The following ROBO2 variants were observed in gnomAD, a reference collection of about 807,000 sequenced individuals.
ROBO2 encodes roundabout homolog 2.
Under a neutral mutation model 160.8 loss-of-function variants are expected in ROBO2, and 53 were observed. The ratio of observed to expected loss-of-function variants is 0.33; its 90% CI spans 0.26 to 0.41. ROBO2 has a LOEUF of 0.41. ROBO2 is among the 10% of genes least tolerant of loss of function. The pLI is 1.00. For synonymous variants in ROBO2, 664 were observed against 611.7 expected, an observed-to-expected ratio of 1.09 and a Z score of -1.26; for missense variants, 1,577 against 1,722.4, an observed-to-expected ratio of 0.92 and a Z score of 1.49.
chr3:77,396,883 T>C (rs1270738724), intron 2 of ROBO2, among the ~76,000 whole-genome samples: 2 of 152,248 alleles, frequency 1.3e-5, no homozygotes, highest in South Asian at 4.1e-4. Flanking sequence ...ACAATTATTG[T>C]TTTTCATTTG....
intron 2 of ROBO2, among the ~76,000 whole-genome samples, chr3:76,456,989 A>C (rs1434920402): frequency 5.9e-5 from 9 of 152,128 alleles, no homozygotes; most frequent in African/African-American, 2.2e-4. Context: ...TTCCTCCCAT[A>C]ACATGTGAGA....
At position 76,689,181 on chromosome 3, in the gene ROBO2, GTT is replaced by G. The variant is rs1275486298; in HGVS notation, c.110-408831_110-408830del. On this transcript the variant is annotated intron_variant, in intron 2 of 26. Coordinates refer to the ROBO2 transcript ENST00000487694. ...GTATCTTATTGACAAATTCAATTAT[GTT>G]TCAGAAATATATAACATCATGTTTA... Among the ~76,000 whole-genome samples, 11 of 152,050 alleles carry G rather than the reference GTT, an allele frequency of 7.2e-5. No individual in the cohort carries two copies. The East Asian group carries it at 2.1e-3, about 29-fold the overall frequency.
At chr3:77,288,744 A>T (rs62249728) in intron 2 of ROBO2, among the ~76,000 whole-genome samples, 1,661 of 152,266 alleles carry the variant, frequency 0.011, 22 homozygotes, top group African/African-American at 0.03. Context: ...TTGCATTCAT[A>T]TGTACTGGGG....
At chr3:77,562,533 T>A (rs1414018410) in intron 9 of ROBO2, 118 bp from the exon 11 acceptor site, 1 of 705,124 alleles carries the variant, frequency 1.4e-6, no homozygotes, top group Non-Finnish European at 2.6e-6. Flanking sequence ...AATGCATAAT[T>A]TAGACAACAA....
At chr3:76,208,595 G>A (rs1205636973) in intron 2 of ROBO2, among the ~76,000 whole-genome samples, 1 of 152,050 alleles carries the variant, frequency 6.6e-6, no homozygotes, top group African/African-American at 2.4e-5. Context: ...GAACGCTAAA[G>A]TAACTCCATC....
chr3:77,012,078 C>G (rs2061955197), intron 2 of ROBO2, among the ~76,000 whole-genome samples: 1 of 152,048 alleles, frequency 6.6e-6, no homozygotes, highest in Non-Finnish European at 1.5e-5. Context: ...TTACCTAAGT[C>G]AAGCAACTTA....
At chr3:76,699,060 T>A (rs902199412) in intron 2 of ROBO2, among the ~76,000 whole-genome samples, 27 of 152,180 alleles carry the variant, frequency 1.8e-4, no homozygotes, top group Non-Finnish European at 3.8e-4. Flanking sequence ...GAAATTTAAA[T>A]ACAAATATAA....
chr3:76,355,394 A>C (rs921191187), intron 2 of ROBO2, among the ~76,000 whole-genome samples: 2 of 151,716 alleles, frequency 1.3e-5, no homozygotes, highest in Admixed American at 1.3e-4. Context: ...AATGCTGTGA[A>C]AAAGGTAACA....
intron 2 of ROBO2, among the ~76,000 whole-genome samples, chr3:76,673,149 A>G (rs993972832): frequency 6.6e-6 from 1 of 152,192 alleles, no homozygotes; most frequent in Non-Finnish European, 1.5e-5. Context: ...GTAATGCTTT[A>G]GTAACACTAA....
intron 2 of ROBO2, among the ~76,000 whole-genome samples, chr3:76,794,986 A>C (rs2063595434): frequency 6.6e-6 from 1 of 152,054 alleles, no homozygotes; most frequent in African/African-American, 2.4e-5. Context: ...CACAAGTAGC[A>C]AGTTGCAATA....
chr3:77,210,202 A>G (rs2151089059), intron 2 of ROBO2, among the ~76,000 whole-genome samples: 1 of 152,180 alleles, frequency 6.6e-6, no homozygotes, highest in African/African-American at 2.4e-5. Flanking sequence ...CATTTGTACA[A>G]ATATCTCAAT....
chr3:76,888,533 A>G (rs1252945544), intron 2 of ROBO2, among the ~76,000 whole-genome samples: 1 of 152,232 alleles, frequency 6.6e-6, no homozygotes, highest in Admixed American at 6.5e-5. Flanking sequence ...TAAAATAAAT[A>G]TGAATAGGAA....
At chr3:77,412,223 C>T (rs1158350015) in intron 2 of ROBO2, among the ~76,000 whole-genome samples, 1 of 152,170 alleles carries the variant, frequency 6.6e-6, no homozygotes, top group African/African-American at 2.4e-5. Flanking sequence ...ACATCCCTGA[C>T]AAAAGGACAA....
chr3:77,222,135 G>A (rs1304197712), intron 2 of ROBO2, among the ~76,000 whole-genome samples: 2 of 151,978 alleles, frequency 1.3e-5, no homozygotes, highest in Non-Finnish European at 2.9e-5. Context: ...ACAGGCATGA[G>A]CCACCGTGCC....
At chr3:76,889,515 A>G (rs543033924) in intron 2 of ROBO2, among the ~76,000 whole-genome samples, 9 of 152,342 alleles carry the variant, frequency 5.9e-5, no homozygotes, top group African/African-American at 2.2e-4. Flanking sequence ...TTTAAAAGTT[A>G]GTATTTCAAC....
chr3:76,851,173 C>T (rs2069305633), intron 2 of ROBO2, among the ~76,000 whole-genome samples: 1 of 152,110 alleles, frequency 6.6e-6, no homozygotes. Context: ...CTACATTGTC[C>T]AATAGGTAGC....
intron 2 of ROBO2, among the ~76,000 whole-genome samples, chr3:76,379,964 A>G (rs2076535758): frequency 6.6e-6 from 1 of 151,988 alleles, no homozygotes; most frequent in African/African-American, 2.4e-5. Context: ...TTTTTCATTT[A>G]TGTGACTTGC....
chr3:75,911,766 C>G (rs1946601039), intron 1 of ROBO2, among the ~76,000 whole-genome samples: 2 of 151,794 alleles, frequency 1.3e-5, no homozygotes, highest in South Asian at 4.2e-4. Context: ...CCGTGTTAGC[C>G]AGGATGGTCT....
At chr3:76,256,331 C>CA (rs1297819026) in intron 2 of ROBO2, among the ~76,000 whole-genome samples, 15 of 95,948 alleles carry the variant, frequency 1.6e-4, no homozygotes, top group Non-Finnish European at 3.6e-4. Flanking sequence ...CTCTCTCTCT[C>CA]TCTCTCTCTC....
Sources: allele counts gnomAD v4.1 joint callset (sites outside exome capture counted in the v4.1 genomes callset), GRCh38; gene constraint gnomAD v4.1.1; transcripts MANE v1.5; gene names NCBI Gene and HGNC (gene_info 2026-07-23, HGNC 2026-07-21).